Variants in ERC2 observed in about 807,000 individuals in gnomAD.
ERC2 encodes the protein ERC protein 2.
A neutral mutation model predicts 114.8 loss-of-function variants in ERC2; 42 were observed. The observed-to-expected ratio is 0.37, with a 90% CI of 0.29 to 0.47. The LOEUF is 0.47. Ranked by LOEUF, ERC2 falls within the 20% of genes least tolerant of loss-of-function variation. The pLI, the probability that ERC2 is intolerant of heterozygous loss-of-function variation, is 0.99. For missense variants in ERC2, 939 were observed against 1,150.7 expected (o/e 0.82, Z 2.66); for synonymous variants, 454 against 425.5 (o/e 1.07, Z -0.82).
At chr3:55,768,122 C>T (rs1375213929) in intron 14 of ERC2, among the ~76,000 whole-genome samples, 1 of 152,194 alleles carries the variant, frequency 6.6e-6, no homozygotes, top group Non-Finnish European at 1.5e-5. Flanking sequence ...TGTAAGTTTC[C>T]TGAGGTCTCC....
At chr3:55,689,367 A>T (rs914370456) in intron 16 of ERC2, among the ~76,000 whole-genome samples, 5 of 152,168 alleles carry the variant, frequency 3.3e-5, no homozygotes, top group Non-Finnish European at 7.3e-5. Context: ...GTGCCAGTTC[A>T]TTCAGCTCAA....
chr3:55,921,357 T>C (rs2065418682), intron 13 of ERC2, among the ~76,000 whole-genome samples: 3 of 152,120 alleles, frequency 2.0e-5, no homozygotes, highest in African/African-American at 7.2e-5. Flanking sequence ...GGGTCCGATC[T>C]AGCTCTGAGA....
intron 17 of ERC2, among the ~76,000 whole-genome samples, chr3:55,678,723 G>T (rs920099585): frequency 1.3e-5 from 2 of 152,088 alleles, no homozygotes; most frequent in Non-Finnish European, 2.9e-5. Flanking sequence ...CCTTCCCTTG[G>T]CCAGAGCGAC....
At chr3:55,705,619 T>A (rs941746857) in intron 15 of ERC2, among the ~76,000 whole-genome samples, 4 of 152,156 alleles carry the variant, frequency 2.6e-5, no homozygotes, top group African/African-American at 9.7e-5. Context: ...TTTACAGATA[T>A]CTACACAATC....
At chr3:55,970,754 G>A (rs1410690546) in intron 12 of ERC2, among the ~76,000 whole-genome samples, 1 of 152,150 alleles carries the variant, frequency 6.6e-6, no homozygotes, top group Non-Finnish European at 1.5e-5. Context: ...ATGTAAAATG[G>A]CACAGCCACT....
rs570355295 is a variant in ERC2, at chr3:56,292,312, G to A, written c.1074+3707C>T. 1.4e-4 allele frequency among the ~76,000 whole-genome samples: 22 copies of A among 151,938 alleles called. No homozygotes were observed. The East Asian group carries it at 2.3e-3, about 16-fold the overall frequency. ...TAGAAATGGGATGTAGGCCAGGCACGGTGGCTCACACCTGTAATCCCAGCA... is the reference window on the plus strand; with the variant it reads ...TAGAAATGGGATGTAGGCCAGGCACAGTGGCTCACACCTGTAATCCCAGCA... On this transcript the variant is annotated intron_variant, in intron 3 of 17. Coordinates refer to ENST00000288221, the MANE Select transcript of ERC2 (RefSeq NM_015576.3).
chr3:56,018,254 A>T (rs1216665718), intron 8 of ERC2, among the ~76,000 whole-genome samples: 1 of 152,184 alleles, frequency 6.6e-6, no homozygotes, highest in Non-Finnish European at 1.5e-5. Flanking sequence ...AGGTTAAGTA[A>T]TTTGTCCAAA....
chr3:55,671,747 T>C (rs2061568428), intron 17 of ERC2, among the ~76,000 whole-genome samples: 1 of 152,152 alleles, frequency 6.6e-6, no homozygotes, highest in East Asian at 1.9e-4. Flanking sequence ...ACCACCTCAG[T>C]CAGTGGTGGT....
intron 14 of ERC2, among the ~76,000 whole-genome samples, chr3:55,842,955 T>C (rs2061201679): frequency 6.6e-6 from 1 of 152,094 alleles, no homozygotes; most frequent in Non-Finnish European, 1.5e-5. Context: ...TCAGAGTCCA[T>C]GAATAAAAAT....
At chr3:55,802,578 T>G (rs2059342451) in intron 14 of ERC2, among the ~76,000 whole-genome samples, 1 of 152,238 alleles carries the variant, frequency 6.6e-6, no homozygotes. Context: ...ACAACTCATT[T>G]CAAGTAAGGA....
chr3:56,327,326 A>G (rs1220060563), intron 2 of ERC2, among the ~76,000 whole-genome samples: 1 of 152,180 alleles, frequency 6.6e-6, no homozygotes, highest in Non-Finnish European at 1.5e-5. Context: ...AACACTTACA[A>G]AAGCATCATA....
intron 1 of ERC2, among the ~76,000 whole-genome samples, chr3:56,447,328 G>A (rs2062622688): frequency 6.6e-6 from 1 of 152,214 alleles, no homozygotes. Flanking sequence ...GTGATGGGCT[G>A]GTCGGACAGA....
At chr3:56,149,388 G>A (rs560409510) in intron 4 of ERC2, among the ~76,000 whole-genome samples, 1 of 152,046 alleles carries the variant, frequency 6.6e-6, no homozygotes, top group East Asian at 1.9e-4. Context: ...TAATATCTGG[G>A]AATCAAATTA....
rs144325133 is a variant in ERC2, at chr3:55,538,068, T to C, written c.*40-26792A>G. 2.6e-3 allele frequency among the ~76,000 whole-genome samples: 402 copies of C among 152,314 alleles called. 2 individuals carry two copies. The highest frequency in any genetic ancestry group is 9.4e-3 in the African/African-American group (389 of 41,574). On this transcript the variant is annotated intron_variant, in intron 17 of 17. Coordinates refer to ENST00000288221, the MANE Select transcript of ERC2 (RefSeq NM_015576.3). ...GATAAAACTGGTATCAAAAGGAATGTCAAGCAGAGAAATCTAAATAATTAA... is the reference window on the plus strand; with the variant it reads ...GATAAAACTGGTATCAAAAGGAATGCCAAGCAGAGAAATCTAAATAATTAA...
intron 12 of ERC2, among the ~76,000 whole-genome samples, chr3:55,953,088 C>T (rs1242608914): frequency 6.6e-6 from 1 of 151,792 alleles, no homozygotes; most frequent in Non-Finnish European, 1.5e-5. Flanking sequence ...ACCTGTAGTC[C>T]CAGGTACTCG....
chr3:55,729,866 T>A (rs79335532), intron 15 of ERC2, among the ~76,000 whole-genome samples: 3,328 of 41,048 alleles, frequency 0.081, 237 homozygotes, highest in African/African-American at 0.24. Flanking sequence ...AAAAAAAAAA[T>A]TGTAAGCTAC....
At chr3:55,992,342 A>C (rs1049151612) in intron 10 of ERC2, 92 bp from the exon 11 acceptor site, 1 of 1,152,834 alleles carries the variant, frequency 8.7e-7, no homozygotes, top group Admixed American at 2.4e-5. Flanking sequence ...TTAACTTTGG[A>C]GAGAAAATCA....
chr3:56,388,324 T>A (rs541209676), intron 2 of ERC2, among the ~76,000 whole-genome samples: 26 of 152,206 alleles, frequency 1.7e-4, no homozygotes, highest in African/African-American at 6.3e-4. Flanking sequence ...GTGCTAGATC[T>A]GGTTGTTTAA....
At chr3:56,431,161 A>G (rs2061772768) in intron 2 of ERC2, among the ~76,000 whole-genome samples, 1 of 152,240 alleles carries the variant, frequency 6.6e-6, no homozygotes, top group Non-Finnish European at 1.5e-5. Flanking sequence ...TTGGCCCTCA[A>G]CAAATGTCTA....
Sources: allele counts gnomAD v4.1 joint callset (sites outside exome capture counted in the v4.1 genomes callset), GRCh38; gene constraint gnomAD v4.1.1; transcripts MANE v1.5; gene names NCBI Gene and HGNC (gene_info 2026-07-23, HGNC 2026-07-21).